FOXN3: variants seen among roughly 807,000 people sequenced by gnomAD.
The protein encoded by FOXN3 is forkhead box protein N3.
Under a neutral mutation model 38.4 loss-of-function variants are expected in FOXN3, and 7 were observed. The observed-to-expected ratio is 0.18, with a 90% confidence interval of 0.10 to 0.34. The LOEUF is 0.34. Ranked by LOEUF, FOXN3 falls within the 10% of genes least tolerant of loss-of-function variation. FOXN3 has a pLI of 1.00. For synonymous variants in FOXN3, 230 were observed against 242.2 expected (o/e 0.95, Z 0.47); for missense variants, 456 against 613.4 (o/e 0.74, Z 2.71).
intron 3 of FOXN3, among the ~76,000 whole-genome samples, chr14:89,350,121 C>T (rs1555420186): frequency 6.6e-6 from 1 of 152,186 alleles, no homozygotes; most frequent in Non-Finnish European, 1.5e-5. Flanking sequence ...CATGACCTTA[C>T]TGTCTCAAAC....
At chr14:89,536,141 A>C (rs1406526676) in intron 1 of FOXN3, among the ~76,000 whole-genome samples, 1 of 152,212 alleles carries the variant, frequency 6.6e-6, no homozygotes, top group Non-Finnish European at 1.5e-5. Context: ...GTGAGGAATG[A>C]AGCACAGATG....
At chr14:89,242,077 T>G (rs906588592) in intron 4 of FOXN3, among the ~76,000 whole-genome samples, 1 of 152,230 alleles carries the variant, frequency 6.6e-6, no homozygotes, top group Non-Finnish European at 1.5e-5. Flanking sequence ...ACCTGAGCTA[T>G]TCTCTTCCAT....
intron 2 of FOXN3, among the ~76,000 whole-genome samples, chr14:89,389,496 G>A (rs1208020262): frequency 6.6e-6 from 1 of 152,154 alleles, no homozygotes; most frequent in Non-Finnish European, 1.5e-5. Context: ...CTCAATTGAT[G>A]TGTTTAGGAG....
intron 3 of FOXN3, among the ~76,000 whole-genome samples, chr14:89,299,299 T>A (rs1420741596): frequency 6.6e-6 from 1 of 152,202 alleles, no homozygotes; most frequent in East Asian, 1.9e-4. Flanking sequence ...TCCAATGGTT[T>A]TATAAATGGG....
intron 3 of FOXN3, among the ~76,000 whole-genome samples, chr14:89,308,172 C>T (rs545176555): frequency 4.5e-4 from 68 of 152,170 alleles, no homozygotes; most frequent in African/African-American, 1.3e-3. Flanking sequence ...GGCTGAGGCA[C>T]GAGAATCATT....
chr14:89,205,853 C>T lies in FOXN3; in HGVS notation c.746-25047G>A, dbSNP rs571847794. The stretch of plus-strand genomic sequence containing the variant: ...TCCCCACGACCTTCCCGTCTGCATG[C>T]TCCCCTTAGGGGTTTGAGCAATGGG... On this transcript the variant is annotated intron_variant, in intron 4 of 5. Coordinates refer to ENST00000557258, the MANE Select transcript of FOXN3 (RefSeq NM_005197.4). Among the ~76,000 whole-genome samples the T allele has an allele frequency of 1.4e-4, 21 of 152,384 alleles. No homozygotes were observed. In the South Asian group the frequency reaches 3.7e-3, roughly 27 times the overall value.
intron 4 of FOXN3, among the ~76,000 whole-genome samples, chr14:89,235,762 G>A (rs1347088134): frequency 6.7e-6 from 1 of 149,586 alleles, no homozygotes; most frequent in East Asian, 1.9e-4. Context: ...CGCTGTGGTT[G>A]TCTGTGAAGA....
At chr14:89,365,937 A>C (rs1487807185) in intron 2 of FOXN3, among the ~76,000 whole-genome samples, 3 of 152,248 alleles carry the variant, frequency 2.0e-5, no homozygotes, top group Admixed American at 6.5e-5. Context: ...TAGAATAACT[A>C]ACATAAAGTT....
intron 4 of FOXN3, among the ~76,000 whole-genome samples, chr14:89,222,153 G>C (rs28760420): frequency 0.019 from 2,877 of 152,274 alleles, 89 homozygotes; most frequent in African/African-American, 0.065. Context: ...TGTCACCGTG[G>C]AAACCCATCA....
chr14:89,455,452 A>G (rs1309940834), intron 1 of FOXN3, among the ~76,000 whole-genome samples: 1 of 152,208 alleles, frequency 6.6e-6, no homozygotes, highest in African/African-American at 2.4e-5. Context: ...AGATGTTATC[A>G]CCATCTAATG....
intron 4 of FOXN3, among the ~76,000 whole-genome samples, chr14:89,182,008 A>G (rs1017703651): frequency 1.3e-5 from 2 of 152,190 alleles, no homozygotes; most frequent in African/African-American, 4.8e-5. Context: ...GGCTGTGCCC[A>G]TATAGTCCCT....
intron 1 of FOXN3, among the ~76,000 whole-genome samples, chr14:89,606,468 A>G (rs75028340): frequency 1.3e-5 from 2 of 152,212 alleles, no homozygotes; most frequent in East Asian, 3.8e-4. Context: ...AGAAAAAAAA[A>G]TTGATAAGAA....
At chr14:89,453,206 AAAG>A (rs1413011803) in intron 1 of FOXN3, among the ~76,000 whole-genome samples, 21 of 151,814 alleles carry the variant, frequency 1.4e-4, no homozygotes, top group Admixed American at 1.3e-3. Context: ...TCTCAAAAAA[AAAG>A]AACTAAAAAA....
intron 1 of FOXN3, among the ~76,000 whole-genome samples, chr14:89,425,558 G>A (rs1323594635): frequency 1.3e-5 from 2 of 148,532 alleles, no homozygotes; most frequent in Non-Finnish European, 3.0e-5. Flanking sequence ...TAGACACGGG[G>A]TTGAGCATGT....
chr14:89,564,203 G>A (rs1398619273), intron 1 of FOXN3, among the ~76,000 whole-genome samples: 3 of 151,810 alleles, frequency 2.0e-5, no homozygotes, highest in African/African-American at 4.8e-5. Flanking sequence ...AATAGTTAAG[G>A]AGAAAGGATC....
chr14:89,170,795 A>G (rs183202131), intron 5 of FOXN3, among the ~76,000 whole-genome samples: 3 of 152,334 alleles, frequency 2.0e-5, no homozygotes, highest in Admixed American at 2.0e-4. Flanking sequence ...TCAAAGAAAA[A>G]ATCAAAATGG....
rs1365161197 is a variant in FOXN3, at chr14:89,156,882, G to A, written c.*5532C>T. The A allele has an allele frequency of 2.6e-5, 4 of 152,438 alleles. No homozygotes were observed. The highest frequency in any genetic ancestry group is 1.9e-4 in the East Asian group (1 of 5,196). The allele number at this position is 152,438 out of a possible 1,614,324, so 9.4% of individuals were successfully genotyped here. On this transcript the variant is annotated 3_prime_UTR_variant, in exon 6 of 6. Coordinates refer to ENST00000557258, the MANE Select transcript of FOXN3 (RefSeq NM_005197.4). ...ATGTTGCATGTTTAAATAACTGAGAGTGTGCTAAATCTCATCTAAAAAAAA... is the reference window on the plus strand; with the variant it reads ...ATGTTGCATGTTTAAATAACTGAGAATGTGCTAAATCTCATCTAAAAAAAA...
intron 1 of FOXN3, among the ~76,000 whole-genome samples, chr14:89,461,041 G>C (rs72703662): frequency 0.17 from 23,225 of 137,556 alleles, 2,398 homozygotes; most frequent in Middle Eastern, 0.3. Flanking sequence ...AAAAAAAAGG[G>C]GGGGGGAGGG....
chr14:89,337,975 A>C (rs1888513297), intron 3 of FOXN3, among the ~76,000 whole-genome samples: 1 of 152,122 alleles, frequency 6.6e-6, no homozygotes, highest in African/African-American at 2.4e-5. Context: ...TCCTCCTGTG[A>C]CAATATTTGG....
Sources: gnomAD v4.1 joint callset for allele counts (sites outside exome capture counted in the v4.1 genomes callset) on GRCh38, gnomAD v4.1.1 for gene constraint, MANE v1.5 for transcripts, NCBI Gene and HGNC (gene_info 2026-07-23, HGNC 2026-07-21) for gene names.